Variants in DIP2B observed in about 807,000 individuals in gnomAD.
DIP2B encodes DIP2 acetate--CoA ligase B (putative).
In DIP2B, 76 loss-of-function variants were observed where a neutral mutation model predicts 198.0. That is an observed-to-expected ratio of 0.38 (90% CI 0.32 to 0.46). The LOEUF (loss-of-function observed/expected upper bound fraction) is 0.46. Among genes scored for constraint, DIP2B ranks in the 20% least tolerant of loss-of-function variants. The pLI, the probability that DIP2B is intolerant of heterozygous loss-of-function variation, is 0.99. For missense variants in DIP2B, 1,559 were observed against 1,978.4 expected, an observed-to-expected ratio of 0.79 and a Z score of 4.02; for synonymous variants, 701 against 739.1, an observed-to-expected ratio of 0.95 and a Z score of 0.84.
intron 1 of DIP2B, among the ~76,000 whole-genome samples, chr12:50,608,789 A>G (rs2139450764): frequency 6.6e-6 from 1 of 152,326 alleles, no homozygotes; most frequent in East Asian, 1.9e-4. Context: ...AACCATATTT[A>G]CTTTTGTAAG....
At chr12:50,707,923 CCTT>C (rs1424889895) in intron 21 of DIP2B, among the ~76,000 whole-genome samples, 1 of 152,304 alleles carries the variant, frequency 6.6e-6, no homozygotes, top group Admixed American at 6.5e-5. Context: ...GGCACACTGG[CCTT>C]CTTGCTGTTC....
chr12:50,665,139 C>T (rs1938727859), intron 4 of DIP2B, among the ~76,000 whole-genome samples: 1 of 152,058 alleles, frequency 6.6e-6, no homozygotes, highest in South Asian at 2.1e-4. Context: ...CCACACCCTG[C>T]TCTATATTTC....
At chr12:50,738,931 A>G (rs1274531896) in intron 35 of DIP2B, among the ~76,000 whole-genome samples, 2 of 152,226 alleles carry the variant, frequency 1.3e-5, no homozygotes, top group East Asian at 1.9e-4. Flanking sequence ...ATTGTTAGCT[A>G]TCGCTCTGTT....
chr12:50,589,597 T>A (rs1338453617), intron 1 of DIP2B, among the ~76,000 whole-genome samples: 12 of 152,132 alleles, frequency 7.9e-5, no homozygotes. Flanking sequence ...GAAAGTGTTT[T>A]TTAGGCACAG....
intron 4 of DIP2B, among the ~76,000 whole-genome samples, chr12:50,670,543 G>T (rs1938834419): frequency 1.3e-5 from 2 of 151,986 alleles, no homozygotes. Flanking sequence ...AGCCTCCCAA[G>T]TAGCTGGGAT....
rs770989508 is a variant in DIP2B, at chr12:50,686,670, G to A, written c.1539G>A (p.Pro513=). The A allele has an allele frequency of 5.0e-6, 8 of 1,613,706 alleles. No individual in the cohort carries two copies. The highest frequency in any genetic ancestry group is 1.1e-5 in the South Asian group (1 of 91,024). ...ACATCTCACCTGCTGGGACAGAACC[G>A]GCATACATTGAGGTAAGTCCTAAGA... ...QPHISPAGTE[P]AYIEYKTSKE... is the part of the protein sequence containing the mutation. Residue 513 remains proline, a synonymous_variant, in exon 12 of 38, where the codon CCG becomes CCA. Transcript: ENST00000301180.
intron 36 of DIP2B, 22 bp downstream of exon 36, chr12:50,739,608 A>G (rs200222374): frequency 2.5e-6 from 4 of 1,610,410 alleles, no homozygotes; most frequent in African/African-American, 1.3e-5. Flanking sequence ...ACAACTCCCC[A>G]TTGACCCTGC....
chr12:50,737,710 C>T (rs1940162465), intron 35 of DIP2B, among the ~76,000 whole-genome samples: 1 of 151,968 alleles, frequency 6.6e-6, no homozygotes, highest in African/African-American at 2.4e-5. Flanking sequence ...CTCGGCCTTC[C>T]CAAGTAGCTG....
chr12:50,629,567 C>T (rs1467885846), intron 2 of DIP2B, among the ~76,000 whole-genome samples: 1 of 152,186 alleles, frequency 6.6e-6, no homozygotes, highest in Admixed American at 6.5e-5. Context: ...ATTTAGGTAA[C>T]TCCTAAATAT....
At chr12:50,730,927 T>C (rs1391261555) in intron 30 of DIP2B, among the ~76,000 whole-genome samples, 3 of 152,210 alleles carry the variant, frequency 2.0e-5, no homozygotes, top group Non-Finnish European at 1.5e-5. Context: ...GATGTCAGTG[T>C]TCTTGATTCA....
rs192384437 is a variant in DIP2B, at chr12:50,724,600, A to T, written c.3289-175A>T. On this transcript the variant is annotated intron_variant, in intron 27 of 37. Transcript: ENST00000301180. ...ATTCTGAGAGAATTAAATGTCACAC[A>T]TTTCCAGAAGGAAACATGCAAGGGA... is the stretch of plus-strand genomic sequence containing the variant. Among the ~76,000 whole-genome samples, 5 of 152,328 alleles carry T rather than the reference A, an allele frequency of 3.3e-5. No individual in the cohort carries two copies. In the East Asian group the frequency reaches 7.7e-4, roughly 23 times the overall value.
intron 1 of DIP2B, among the ~76,000 whole-genome samples, chr12:50,619,408 C>T (rs776933829): frequency 1.7e-4 from 26 of 152,130 alleles, no homozygotes; most frequent in Non-Finnish European, 2.9e-4. Context: ...GTGACTGTAT[C>T]GTTAGGAATT....
chr12:50,700,227 G>A (rs6580760), intron 19 of DIP2B, among the ~76,000 whole-genome samples: 1 of 152,150 alleles, frequency 6.6e-6, no homozygotes, highest in Non-Finnish European at 1.5e-5. Flanking sequence ...TTTCCTGCAG[G>A]CACTTCTGCA....
At chr12:50,529,916 T>C (rs1958200689) in intron 1 of DIP2B, among the ~76,000 whole-genome samples, 2 of 152,182 alleles carry the variant, frequency 1.3e-5, no homozygotes, top group African/African-American at 4.8e-5. Flanking sequence ...CGTGCCTTCT[T>C]AGAATATCCA....
At position 50,697,138 on chromosome 12, in the gene DIP2B, G is replaced by T. The variant is rs959501069; in HGVS notation, c.2011G>T (p.Ala671Ser). 1 of 1,614,014 alleles carries T rather than the reference G, an allele frequency of 6.2e-7. No individual in the cohort carries two copies. Among genetic ancestry groups the T allele is most frequent in the Admixed American group, 1.7e-5 (1 of 60,008 alleles). Residue 671 changes from alanine to serine, a missense_variant, in exon 17 of 38, where the codon GCC becomes TCC. Transcript: ENST00000301180. ...GAAGCCTGAGGCCATCTGTCCGTGC[G>T]CCACGTCTGCTGAAGCCATGACTGT... ...GLKPEAICPC[A>S]TSAEAMTVAI...
chr12:50,728,565 G>T lies in DIP2B; in HGVS notation c.3528G>T (p.Val1176=). The part of the protein sequence containing the change: ...LTGVKMSHSA[V]NALCRAIKLQ... The stretch of plus-strand genomic sequence containing the variant: ...CTTTCCAGATGTCCCACTCTGCAGT[G>T]AACGCTCTGTGTCGAGCCATCAAGC... Residue 1176 remains valine, a synonymous_variant, in exon 30 of 38, where the codon GTG becomes GTT. Transcript: ENST00000301180. 1 of 1,613,946 alleles carries T rather than the reference G, an allele frequency of 6.2e-7. No individual in the cohort carries two copies. The highest frequency in any genetic ancestry group is 8.5e-7 in the Non-Finnish European group (1 of 1,179,926).
At chr12:50,522,153 A>G (rs544110132) in intron 1 of DIP2B, among the ~76,000 whole-genome samples, 54 of 151,942 alleles carry the variant, frequency 3.6e-4, no homozygotes, top group Admixed American at 1.4e-3. Context: ...GGTATGTGCC[A>G]CCACACCCAG....
intron 13 of DIP2B, among the ~76,000 whole-genome samples, chr12:50,692,564 G>A (rs879277026): frequency 1.3e-5 from 2 of 152,066 alleles, no homozygotes; most frequent in African/African-American, 4.8e-5. Context: ...CAGGCTGGGC[G>A]CTGTGGCTTA....
chr12:50,691,017 G>T (rs754917138), intron 12 of DIP2B, 32 bp from the exon 13 acceptor site: 27 of 1,584,652 alleles, frequency 1.7e-5, no homozygotes, highest in Non-Finnish European at 2.3e-5. Context: ...CCATTTTATT[G>T]TGTTTCTTAT....
Sources: gnomAD v4.1 joint callset for allele counts (sites outside exome capture counted in the v4.1 genomes callset) on GRCh38, gnomAD v4.1.1 for gene constraint, MANE v1.5 for transcripts, NCBI Gene and HGNC (gene_info 2026-07-23, HGNC 2026-07-21) for gene names.